The following BORA variants were observed in gnomAD, a reference collection of about 807,000 sequenced individuals.
The protein encoded by BORA is protein aurora borealis.
Under a neutral mutation model 55.8 loss-of-function variants are expected in BORA, and 26 were observed. That is an observed-to-expected ratio of 0.47 (90% CI 0.34 to 0.65). The LOEUF is 0.65. Ranked by LOEUF, BORA falls within the 30% of genes least tolerant of loss-of-function variation. The pLI, the probability that BORA is intolerant of heterozygous loss-of-function variation, is 0.01. For missense variants in BORA, 568 were observed against 671.5 expected (o/e 0.85, Z 1.70); for synonymous variants, 201 against 216.9 (o/e 0.93, Z 0.64).
intron 3 of BORA, among the ~76,000 whole-genome samples, chr13:72,732,569 C>T (rs142280852): frequency 0.012 from 1,797 of 151,974 alleles, 41 homozygotes; most frequent in African/African-American, 0.041. Flanking sequence ...CCCAGCTACT[C>T]GGGAGGCCGA....
intron 1 of BORA, among the ~76,000 whole-genome samples, chr13:72,728,570 A>C (rs1007028742): frequency 6.6e-6 from 1 of 152,206 alleles, no homozygotes; most frequent in East Asian, 1.9e-4. Flanking sequence ...AATTGTAGCT[A>C]TAAGTCCTTT....
chr13:72,736,105 G>C (rs749274218), intron 4 of BORA, among the ~76,000 whole-genome samples: 11 of 151,740 alleles, frequency 7.2e-5, no homozygotes, highest in Admixed American at 3.3e-4. Context: ...CTTCTATCTA[G>C]TAACTGCACA....
At position 72,745,019 on chromosome 13, in the gene BORA, C is replaced by A; in HGVS notation, c.550C>A (p.Pro184Thr). ...AGCTGATGAATTTGCAGATCAATCT[C>A]CTGGAAACCTCAGTTCTTCATCCCT... Reference protein sequence around the residue: ...FRADEFADQSPGNLSSSSLRR... With the variant: ...FRADEFADQSTGNLSSSSLRR... Residue 184 changes from proline (P) to threonine (T), a missense_variant, in exon 8 of 12, where the codon CCT becomes ACT. By Grantham distance (38) the Pro-to-Thr change is conservative. Coordinates refer to ENST00000390667, the MANE Select transcript of BORA (RefSeq NM_024808.5). 2 of 1,614,050 alleles carry A rather than the reference C, an allele frequency of 1.2e-6. No homozygotes were observed. The highest frequency in any genetic ancestry group is 1.7e-6 in the Non-Finnish European group (2 of 1,179,962).
Position 72,742,083 on chromosome 13 carries a change from A to G in BORA, c.389-1454A>G, listed in dbSNP as rs574306156. Among the ~76,000 whole-genome samples, 3 of 152,290 alleles carry G rather than the reference A, an allele frequency of 2.0e-5. No homozygotes were observed. In the East Asian group the frequency reaches 5.8e-4, roughly 29 times the overall value. ...AGAAGGTCACTCTGCATGCAGTGAC[A>G]AAGTCATCTGCATCCAAAATTTTCT... On this transcript the variant is annotated intron_variant, in intron 5 of 11. Transcript: ENST00000390667.
At position 72,747,026 on chromosome 13, in the gene BORA, T is replaced by A. The variant is rs376758174; in HGVS notation, c.1397T>A (p.Ile466Asn). ...CCCATGACTGATTTTGTAAGTGGCA[T>A]TGCCTTCAGTATTGAAAACTCTCAT... is the stretch of plus-strand genomic sequence containing the variant. Reference protein sequence around the residue: ...SLPMTDFVSGIAFSIENSHMC... With the variant: ...SLPMTDFVSGNAFSIENSHMC... The change falls in exon 10 of 12, where the codon ATT becomes AAT. Residue 466 changes from isoleucine (I) to asparagine (N), a missense_variant. Ile to Asn is a moderately radical substitution (Grantham distance 149, BLOSUM62 -3). Coordinates refer to ENST00000390667, the MANE Select transcript of BORA (RefSeq NM_024808.5). 6.2e-7 allele frequency: 1 copy of A among 1,614,010 alleles called. No individual in the cohort carries two copies. Among genetic ancestry groups the A allele is most frequent in the Non-Finnish European group, 8.5e-7 (1 of 1,179,988 alleles).
At position 72,747,165 on chromosome 13, in the gene BORA, CCTTT is replaced by C. The variant is rs374450145; in HGVS notation, c.1482+57_1482+60del. ...TCCTCACTGCCTTGGTGTTCTTTATCCTTTCTAAGATTATAGTATAAGAAAGATA... is the reference window on the plus strand; with the variant it reads ...TCCTCACTGCCTTGGTGTTCTTTATCCTAAGATTATAGTATAAGAAAGATA... On this transcript the variant is annotated intron_variant, in intron 10 of 11. Coordinates refer to ENST00000390667, the MANE Select transcript of BORA (RefSeq NM_024808.5). 3.4e-4 allele frequency: 526 copies of C among 1,555,188 alleles called. 3 individuals carry two copies. The South Asian group carries it at 4.3e-3, about 13-fold the overall frequency.
intron 5 of BORA, among the ~76,000 whole-genome samples, chr13:72,742,003 C>G (rs73524217): frequency 0.034 from 5,245 of 152,186 alleles, 153 homozygotes; most frequent in African/African-American, 0.078. Flanking sequence ...GGATTTTATC[C>G]TAAAGACTAT....
chr13:72,743,933 C>T lies in BORA; in HGVS notation c.454+331C>T, dbSNP rs568821738. On this transcript the variant is annotated intron_variant, in intron 6 of 11. Coordinates refer to ENST00000390667, the MANE Select transcript of BORA (RefSeq NM_024808.5). ...GTATTTTTTTGTAGAGACAGCATTT[C>T]GCCATGTTGCCCAGGCTGGTCTCGA... Among the ~76,000 whole-genome samples the T allele has an allele frequency of 2.6e-5, 4 of 152,104 alleles. No individual in the cohort carries two copies. The South Asian group carries it at 6.2e-4, about 24-fold the overall frequency.
At chr13:72,748,885 AAACT>A (rs2037360773) in intron 10 of BORA, among the ~76,000 whole-genome samples, 1 of 152,140 alleles carries the variant, frequency 6.6e-6, no homozygotes, top group African/African-American at 2.4e-5. Context: ...CTAACTTGTC[AAACT>A]ATCTATGCTT....
intron 11 of BORA, chr13:72,754,529 TGTTTAATAGG>T: frequency 6.6e-6 from 1 of 152,038 alleles, no homozygotes; most frequent in African/African-American, 2.4e-5. Context: ...GTGCAACAAA[TGTTTAATAGG>T]GAGGCCACCT....
At chr13:72,731,187 A>G (rs2032807596) in intron 2 of BORA, 94 bp from the exon 3 acceptor site, 5 of 731,560 alleles carry the variant, frequency 6.8e-6, no homozygotes, top group South Asian at 1.8e-5. Flanking sequence ...ATATTTTCAT[A>G]TTATAACCAT....
intron 3 of BORA, among the ~76,000 whole-genome samples, chr13:72,732,036 A>G (rs1290820339): frequency 2.0e-5 from 3 of 152,166 alleles, no homozygotes; most frequent in Admixed American, 6.5e-5. Flanking sequence ...ATTCTTTTGT[A>G]GTTTTAGGGA....
At chr13:72,735,077 A>G in intron 4 of BORA, 72 bp downstream of exon 4, 2 of 1,238,336 alleles carry the variant, frequency 1.6e-6, no homozygotes, top group Non-Finnish European at 1.2e-6. Context: ...TCTTTTAGGA[A>G]GACTTTCTTC....
chr13:72,730,678 TTG>T (rs534400605), intron 2 of BORA, among the ~76,000 whole-genome samples: 19 of 152,134 alleles, frequency 1.2e-4, no homozygotes, highest in Non-Finnish European at 2.1e-4. Context: ...TGAGTGTTAA[TTG>T]TGAAAGTTTT....
intron 1 of BORA, 34 bp downstream of exon 1, chr13:72,728,041 T>C (rs1437388239): frequency 1.3e-6 from 2 of 1,550,456 alleles, no homozygotes; most frequent in Non-Finnish European, 1.7e-6. Flanking sequence ...TGGCCTTTCC[T>C]CCTGTCTGAA....
At chr13:72,743,632 A>T in intron 6 of BORA, 30 bp downstream of exon 6, 2 of 1,537,470 alleles carry the variant, frequency 1.3e-6, no homozygotes, top group Non-Finnish European at 1.8e-6. Context: ...GAAAAGAAGG[A>T]TGTTCCATAT....
intron 9 of BORA, 87 bp from the exon 10 acceptor site, chr13:72,746,414 T>C (rs2033143368): frequency 4.2e-6 from 6 of 1,429,962 alleles, no homozygotes; most frequent in African/African-American, 1.4e-5. Flanking sequence ...CAGTTTTTCC[T>C]GGCATGAAAC....
chr13:72,755,088 A>G (rs2033413852), intron 11 of BORA, 63 bp from the exon 12 acceptor site: 1 of 1,418,504 alleles, frequency 7.0e-7, no homozygotes, highest in African/African-American at 1.4e-5. Context: ...AACAGTCCCG[A>G]TAATTGCATC....
At chr13:72,733,889 G>A (rs1340881239) in intron 3 of BORA, among the ~76,000 whole-genome samples, 1 of 152,172 alleles carries the variant, frequency 6.6e-6, no homozygotes, top group African/African-American at 2.4e-5. Flanking sequence ...AAAAGCATGA[G>A]ATCGCGTCCT....
Sources: gnomAD v4.1 joint callset for allele counts (sites outside exome capture counted in the v4.1 genomes callset) on GRCh38, gnomAD v4.1.1 for gene constraint, MANE v1.5 for transcripts, NCBI Gene and HGNC (gene_info 2026-07-23, HGNC 2026-07-21) for gene names.